The following LINGO2 variants were observed in gnomAD, a reference collection of about 807,000 sequenced individuals.
The protein encoded by LINGO2 is leucine-rich repeat and immunoglobulin-like domain-containing nogo receptor-interacting protein 2.
LINGO2 carries 14 observed loss-of-function variants against 30.6 expected under a neutral mutation model. The observed-to-expected ratio is 0.46, with a 90% CI of 0.30 to 0.72. LINGO2 has a LOEUF of 0.72. LINGO2 is among the 30% of genes least tolerant of loss of function. The probability of loss-of-function intolerance (pLI) is 0.07; values close to 1 mark genes in which losing one functional copy is unlikely to be tolerated. For missense variants in LINGO2, 729 were observed against 751.7 expected (o/e 0.97, Z 0.35); for synonymous variants, 317 against 288.5 (o/e 1.10, Z -1.00).
rs755034422 is a variant in LINGO2 at position 28,490,433 on chromosome 9, A to G, written c.-364-14408T>C. ...AAACTTGGGTGAACTAGGAATGTGC[A>G]TTTTAAAAACTTCCCAGGTAAATCT... On this transcript the variant is annotated intron_variant, in intron 1 of 5. Transcript: ENST00000379992. Among the ~76,000 whole-genome samples, 144 of 152,300 alleles carry G rather than the reference A, an allele frequency of 9.5e-4. 1 individual carries two copies. The highest frequency in any genetic ancestry group is 6.6e-4 in the Non-Finnish European group (45 of 68,016).
chr9:28,770,608 G>A, the LINGO2 span, among the ~76,000 whole-genome samples: 2 of 152,208 alleles, frequency 1.3e-5, no homozygotes, highest in Middle Eastern at 3.4e-3. Context: ...CTTACATTAC[G>A]TGCTGGGTTA....
chr9:28,529,910 A>T (rs868496147), intron 1 of LINGO2, among the ~76,000 whole-genome samples: 19 of 152,218 alleles, frequency 1.2e-4, no homozygotes, highest in Middle Eastern at 3.4e-3. Flanking sequence ...CTAACTGGTT[A>T]TTCAATCTTG....
At chr9:28,664,120 G>A (rs560538555) in intron 1 of LINGO2, among the ~76,000 whole-genome samples, 1 of 151,962 alleles carries the variant, frequency 6.6e-6, no homozygotes, top group African/African-American at 2.4e-5. Flanking sequence ...ATTATAAGTT[G>A]GTTTTGATGC....
intron 2 of LINGO2, among the ~76,000 whole-genome samples, chr9:28,453,425 T>C (rs1824725850): frequency 1.3e-5 from 2 of 151,942 alleles, no homozygotes; most frequent in Non-Finnish European, 2.9e-5. Context: ...TGCAACTTTC[T>C]GGTCTATTTG....
the LINGO2 span, among the ~76,000 whole-genome samples, chr9:28,777,024 A>T: frequency 6.6e-6 from 1 of 151,894 alleles, no homozygotes; most frequent in Non-Finnish European, 1.5e-5. Flanking sequence ...AGTGTGTGGC[A>T]CGTCCCCCTT....
At chr9:28,239,170 C>T (rs1821687455) in intron 4 of LINGO2, among the ~76,000 whole-genome samples, 1 of 151,880 alleles carries the variant, frequency 6.6e-6, no homozygotes, top group African/African-American at 2.4e-5. Context: ...TAAAGAAAAA[C>T]CCAGGACAAG....
At chr9:28,281,900 T>C (rs1335562366) in intron 4 of LINGO2, among the ~76,000 whole-genome samples, 1 of 152,142 alleles carries the variant, frequency 6.6e-6, no homozygotes, top group East Asian at 1.9e-4. Context: ...AAATGCTTGC[T>C]TGAACCTGTA....
intron 1 of LINGO2, among the ~76,000 whole-genome samples, chr9:28,540,525 G>A (rs934463157): frequency 5.3e-5 from 8 of 152,106 alleles, no homozygotes; most frequent in Non-Finnish European, 8.8e-5. Flanking sequence ...GCTTCCCAAA[G>A]TGCTGGGATT....
At chr9:28,269,359 T>C (rs1035365289) in intron 4 of LINGO2, among the ~76,000 whole-genome samples, 20 of 152,250 alleles carry the variant, frequency 1.3e-4, no homozygotes, top group African/African-American at 4.6e-4. Context: ...GTCATTTTTC[T>C]AAAGGGAACA....
intron 4 of LINGO2, among the ~76,000 whole-genome samples, chr9:28,201,147 T>A (rs1016066364): frequency 1.5e-4 from 22 of 151,326 alleles, no homozygotes; most frequent in Middle Eastern, 3.4e-3. Context: ...TACCTATGTA[T>A]ACATGTGCCA....
In LINGO2 at chr9:28,418,767, G is replaced by C. The variant is rs1486468269; in HGVS notation, c.-278-45899C>G. Among the ~76,000 whole-genome samples, 3 of 151,938 alleles carry C rather than the reference G, an allele frequency of 2.0e-5. No individual in the cohort carries two copies. The East Asian group carries it at 5.8e-4, about 29-fold the overall frequency. On this transcript the variant is annotated intron_variant, in intron 2 of 5. Transcript: ENST00000379992. ...CTCTTGATTATAAGGGAACTTTCTTGATTACAAGGAAATTTTTGATTGCAA... is the reference window on the plus strand; with the variant it reads ...CTCTTGATTATAAGGGAACTTTCTTCATTACAAGGAAATTTTTGATTGCAA...
chr9:28,204,477 A>T (rs74521733), intron 4 of LINGO2, among the ~76,000 whole-genome samples: 7,513 of 152,158 alleles, frequency 0.049, 275 homozygotes, highest in Non-Finnish European at 0.072. Context: ...TTATAGTTCC[A>T]TGGTTACTTA....
chr9:27,981,688 C>A (rs1820887230), intron 5 of LINGO2, among the ~76,000 whole-genome samples: 1 of 151,520 alleles, frequency 6.6e-6, no homozygotes, highest in Non-Finnish European at 1.5e-5. Flanking sequence ...TCTTCATTGT[C>A]CATCTAGATT....
chr9:28,515,943 C>T (rs1820603466), intron 1 of LINGO2, among the ~76,000 whole-genome samples: 1 of 152,158 alleles, frequency 6.6e-6, no homozygotes, highest in African/African-American at 2.4e-5. Context: ...ATTGCCGCAG[C>T]CACCCCAGCC....
At chr9:28,411,779 T>G (rs2134817795) in intron 2 of LINGO2, among the ~76,000 whole-genome samples, 1 of 152,200 alleles carries the variant, frequency 6.6e-6, no homozygotes, top group East Asian at 1.9e-4. Context: ...TTGTGGTATG[T>G]ACCCAGAAGG....
chr9:28,039,633 CTGTTGA>C (rs1400308452), intron 4 of LINGO2, among the ~76,000 whole-genome samples: 2 of 152,022 alleles, frequency 1.3e-5, no homozygotes, highest in Non-Finnish European at 2.9e-5. Flanking sequence ...GGTGGATATG[CTGTTGA>C]CCACTGAGAA....
the LINGO2 span, among the ~76,000 whole-genome samples, chr9:28,865,552 G>A: frequency 6.6e-6 from 1 of 152,130 alleles, no homozygotes; most frequent in Non-Finnish European, 1.5e-5. Flanking sequence ...AGAGGCCGAG[G>A]CGGGAGGATC....
Position 28,045,429 on chromosome 9 carries a change from T to C in LINGO2, c.-86-33024A>G, listed in dbSNP as rs1271765026. ...AGTTAGCTCTAGCAACTTATAAAGC[T>C]ATATTCTCTTTGCATATCTGAATGT... is the stretch of plus-strand genomic sequence containing the variant. On this transcript the variant is annotated intron_variant, in intron 4 of 5. Coordinates refer to ENST00000379992, the Ensembl canonical transcript of LINGO2. Among the ~76,000 whole-genome samples, 3 of 152,134 alleles carry C rather than the reference T, an allele frequency of 2.0e-5. No individual in the cohort carries two copies. The East Asian group carries it at 5.8e-4, about 30-fold the overall frequency.
chr9:28,428,050 C>G (rs1823485565), intron 2 of LINGO2, among the ~76,000 whole-genome samples: 1 of 152,132 alleles, frequency 6.6e-6, no homozygotes, highest in Non-Finnish European at 1.5e-5. Flanking sequence ...AGGACAGTAG[C>G]AGCATGAAAC....
Sources: gnomAD v4.1 joint callset for allele counts (sites outside exome capture counted in the v4.1 genomes callset) on GRCh38, gnomAD v4.1.1 for gene constraint, MANE v1.5 for transcripts, NCBI Gene and HGNC (gene_info 2026-07-23, HGNC 2026-07-21) for gene names.